PTPRO: variants seen among roughly 807,000 people sequenced by gnomAD.
The protein encoded by PTPRO is receptor-type tyrosine-protein phosphatase O.
PTPRO carries 62 observed loss-of-function variants against 145.2 expected under a neutral mutation model. The ratio of observed to expected loss-of-function variants is 0.43; its 90% confidence interval spans 0.35 to 0.53. The LOEUF (loss-of-function observed/expected upper bound fraction) is 0.53, where lower values mean the gene tolerates loss of function less well. Among genes scored for constraint, PTPRO ranks in the 20% least tolerant of loss-of-function variants. PTPRO has a pLI of 0.01. For missense variants in PTPRO, 1,345 were observed against 1,482.7 expected (o/e 0.91, Z 1.53); for synonymous variants, 565 against 514.7 (o/e 1.10, Z -1.32).
At chr12:15,454,218 C>T (rs1345932764) in intron 1 of PTPRO, among the ~76,000 whole-genome samples, 2 of 152,172 alleles carry the variant, frequency 1.3e-5, no homozygotes, top group Non-Finnish European at 2.9e-5. Flanking sequence ...TCCAATTTCT[C>T]CACATCCCCA....
intron 12 of PTPRO, among the ~76,000 whole-genome samples, chr12:15,530,088 A>G (rs1942930361): frequency 6.6e-6 from 1 of 152,238 alleles, no homozygotes; most frequent in African/African-American, 2.4e-5. Flanking sequence ...TGCTTATATT[A>G]GATAAAATGG....
chr12:15,350,048 A>G (rs757270300), intron 1 of PTPRO, among the ~76,000 whole-genome samples: 16 of 152,214 alleles, frequency 1.1e-4, no homozygotes, highest in Non-Finnish European at 2.1e-4. Context: ...GAATTGGGAC[A>G]TGGACTGAAG....
At chr12:15,324,109 A>G (rs2136190186) in intron 1 of PTPRO, among the ~76,000 whole-genome samples, 1 of 152,332 alleles carries the variant, frequency 6.6e-6, no homozygotes, top group East Asian at 1.9e-4. Context: ...TCTTTCATAC[A>G]CATCATAAAT....
intron 1 of PTPRO, among the ~76,000 whole-genome samples, chr12:15,438,519 A>G (rs188974952): frequency 6.6e-6 from 1 of 152,238 alleles, no homozygotes; most frequent in East Asian, 1.9e-4. Context: ...GAAATCAATC[A>G]GAGCTTCTGG....
intron 1 of PTPRO, among the ~76,000 whole-genome samples, chr12:15,379,976 A>T (rs74352278): frequency 0.15 from 22,411 of 152,092 alleles, 3,719 homozygotes; most frequent in African/African-American, 0.41. Context: ...AACTGGTTTT[A>T]ATTTTTTTAA....
intron 8 of PTPRO, among the ~76,000 whole-genome samples, chr12:15,516,517 G>A (rs372450818): frequency 1.4e-3 from 51 of 36,264 alleles, no homozygotes; most frequent in East Asian, 3.3e-3. Context: ...AAGAAAGAAA[G>A]AAAAAGAAAA....
chr12:15,350,984 C>T (rs1271404975), intron 1 of PTPRO, among the ~76,000 whole-genome samples: 1 of 152,014 alleles, frequency 6.6e-6, no homozygotes, highest in African/African-American at 2.4e-5. Context: ...TTTTTTCCCT[C>T]CCCTCTTTAT....
intron 5 of PTPRO, among the ~76,000 whole-genome samples, chr12:15,503,008 A>G (rs16910914): frequency 0.071 from 10,810 of 152,222 alleles, 1,052 homozygotes; most frequent in African/African-American, 0.23. Context: ...GGATTCTTCT[A>G]TACAAGATGA....
chr12:15,560,976 A>T (rs1408728850), intron 17 of PTPRO, among the ~76,000 whole-genome samples: 4 of 152,102 alleles, frequency 2.6e-5, no homozygotes, highest in African/African-American at 4.8e-5. Flanking sequence ...CATTTTAATA[A>T]TCAAATCTTG....
Position 15,497,418 on chromosome 12 carries a change from GA to G in PTPRO, c.508+18del. The G allele has an allele frequency of 1.2e-6, 2 of 1,611,440 alleles. No individual in the cohort carries two copies. The highest frequency in any genetic ancestry group is 1.7e-6 in the Non-Finnish European group (2 of 1,178,086). On this transcript the variant is annotated intron_variant, in intron 3 of 26. Coordinates refer to ENST00000281171, the MANE Select transcript of PTPRO (RefSeq NM_030667.3). ...GCTATATAAAGGTAAGCAGCAAAAGGAAAGCTGAATCAATGATGACCCTCAC... is the reference window on the plus strand; with the variant it reads ...GCTATATAAAGGTAAGCAGCAAAAGGAAGCTGAATCAATGATGACCCTCAC...
chr12:15,538,255 CAG>C (rs1943106872), intron 12 of PTPRO, among the ~76,000 whole-genome samples: 2 of 149,706 alleles, frequency 1.3e-5, no homozygotes, highest in South Asian at 2.1e-4. Flanking sequence ...TTTTTTGAGA[CAG>C]AGTCTTACTC....
rs56136736 is a variant in PTPRO at position 15,448,339 on chromosome 12, TAAAAA to T, written c.76-35618_76-35614del. Among the ~76,000 whole-genome samples, 16 of 45,046 alleles carry T rather than the reference TAAAAA, an allele frequency of 3.6e-4. 2 individuals carry two copies. The East Asian group carries it at 5.2e-3, about 15-fold the overall frequency. 29.6% of individuals were successfully genotyped at this position (45,046 alleles called of 152,430 possible). A position where few individuals can be genotyped will look rare whatever the true frequency, so the allele number is the denominator to read the frequency against. ...CTCTATTCTATCTTCCTGTTCCTAG[TAAAAA>T]AAAAAAAAAAAAAAAAGCACCGATT... On this transcript the variant is annotated intron_variant, in intron 1 of 26. Transcript: ENST00000281171.
At chr12:15,565,278 T>C (rs1190171786) in intron 17 of PTPRO, 2 of 235,870 alleles carry the variant, frequency 8.5e-6, no homozygotes, top group Non-Finnish European at 1.7e-5. Flanking sequence ...GATAGATACT[T>C]CTATATATTT....
chr12:15,422,496 C>T (rs1293520679), intron 1 of PTPRO, among the ~76,000 whole-genome samples: 3 of 152,034 alleles, frequency 2.0e-5, no homozygotes, highest in Non-Finnish European at 2.9e-5. Flanking sequence ...CCAATAACTG[C>T]CAATTATTTG....
chr12:15,434,674 G>A (rs1004617393), intron 1 of PTPRO, among the ~76,000 whole-genome samples: 15 of 152,244 alleles, frequency 9.9e-5, no homozygotes, highest in African/African-American at 3.6e-4. Flanking sequence ...CAACAAGCTG[G>A]CCAGATTTGG....
At chr12:15,476,824 T>C (rs1169442572) in intron 1 of PTPRO, among the ~76,000 whole-genome samples, 1 of 141,450 alleles carries the variant, frequency 7.1e-6, no homozygotes, top group Admixed American at 7.2e-5. Flanking sequence ...CCAGTTAGAA[T>C]GGCAATCATT....
intron 2 of PTPRO, among the ~76,000 whole-genome samples, chr12:15,486,830 T>C (rs1429664066): frequency 6.6e-6 from 1 of 151,334 alleles, no homozygotes; most frequent in Non-Finnish European, 1.5e-5. Flanking sequence ...TAATTATTAA[T>C]ATTTATTATT....
At chr12:15,493,410 A>T (rs984272041) in intron 2 of PTPRO, among the ~76,000 whole-genome samples, 4 of 152,158 alleles carry the variant, frequency 2.6e-5, no homozygotes, top group Non-Finnish European at 2.9e-5. Flanking sequence ...ACACAATTTT[A>T]AAAAATGACA....
chr12:15,513,581 T>C (rs904437129), intron 7 of PTPRO, among the ~76,000 whole-genome samples: 1 of 152,190 alleles, frequency 6.6e-6, no homozygotes, highest in Non-Finnish European at 1.5e-5. Context: ...CAGTTTCCAG[T>C]GCGAAAAGGT....
Sources: gnomAD v4.1 joint callset for allele counts (sites outside exome capture counted in the v4.1 genomes callset) on GRCh38, gnomAD v4.1.1 for gene constraint, MANE v1.5 for transcripts, NCBI Gene and HGNC (gene_info 2026-07-23, HGNC 2026-07-21) for gene names.